Variants in QSOX1 observed in about 807,000 individuals in gnomAD.
The protein encoded by QSOX1 is quiescin sulfhydryl oxidase 1, also known as sulfhydryl oxidase 1.
A neutral mutation model predicts 76.1 loss-of-function variants in QSOX1; 40 were observed. That is an observed-to-expected ratio of 0.53 (90% CI 0.41 to 0.68). The LOEUF (loss-of-function observed/expected upper bound fraction) is 0.68. QSOX1 is among the 30% of genes least tolerant of loss of function. The pLI is 0.00. For missense variants in QSOX1, 931 were observed against 974.3 expected (o/e 0.96, Z 0.59); for synonymous variants, 392 against 413.1 (o/e 0.95, Z 0.62).
chr1:180,187,905 TGC>T (rs2149240810), intron 8 of QSOX1, among the ~76,000 whole-genome samples: 1 of 152,356 alleles, frequency 6.6e-6, no homozygotes, highest in African/African-American at 2.4e-5. Context: ...TTCTGGCCCT[TGC>T]CTTGCTTGGG....
At chr1:180,156,408 T>A (rs926846679) in intron 1 of QSOX1, among the ~76,000 whole-genome samples, 1 of 152,202 alleles carries the variant, frequency 6.6e-6, no homozygotes, top group Non-Finnish European at 1.5e-5. Context: ...GAAATAGGCC[T>A]TTTTCTAGAG....
At chr1:180,155,294 C>G in intron 1 of QSOX1, 122 bp downstream of exon 1, 1 of 932,852 alleles carries the variant, frequency 1.1e-6, no homozygotes, top group Non-Finnish European at 1.5e-6. Flanking sequence ...CCACCTCTTC[C>G]TCTCCGCGCA....
chr1:180,189,803 A>C, intron 9 of QSOX1, 129 bp downstream of exon 9: 1 of 1,022,024 alleles, frequency 9.8e-7, no homozygotes, highest in Non-Finnish European at 1.4e-6. Flanking sequence ...GTTGGGTCCT[A>C]ACAATAATCA....
intron 5 of QSOX1, among the ~76,000 whole-genome samples, chr1:180,180,328 A>C (rs1042431221): frequency 6.6e-6 from 1 of 151,860 alleles, no homozygotes; most frequent in South Asian, 2.1e-4. Flanking sequence ...CTCCTTCCTC[A>C]GCCTCCCAAT....
At chr1:180,190,619 C>T in intron 10 of QSOX1, 39 bp downstream of exon 10, 1 of 1,582,920 alleles carries the variant, frequency 6.3e-7, no homozygotes. Context: ...TGCCTCCAAC[C>T]CTGCTCTGTT....
Position 180,203,775 on chromosome 1 carries a change from A to G in QSOX1, c.*6738A>G, listed in dbSNP as rs1161006937. 2 of 152,198 alleles carry G rather than the reference A, an allele frequency of 1.3e-5. No homozygotes were observed. Among genetic ancestry groups the G allele is most frequent in the South Asian group, 2.1e-4 (1 of 4,832 alleles). The allele number at this position is 152,198 out of a possible 1,614,324, so 9.4% of individuals were successfully genotyped here. A position where few individuals can be genotyped will look rare whatever the true frequency, so the allele number is the denominator to read the frequency against. Reference sequence around the variant, plus strand: ...AGCTTTAGTCAATTGTAGGTGGTCAATAGATTCAGATAAGGCAATCCAGTT... The same window carrying G: ...AGCTTTAGTCAATTGTAGGTGGTCAGTAGATTCAGATAAGGCAATCCAGTT... On this transcript the variant is annotated 3_prime_UTR_variant, in exon 12 of 12. Coordinates refer to ENST00000367602, the MANE Select transcript of QSOX1 (RefSeq NM_002826.5).
intron 2 of QSOX1, among the ~76,000 whole-genome samples, chr1:180,170,715 G>T (rs949029592): frequency 1.3e-5 from 2 of 152,240 alleles, no homozygotes; most frequent in Non-Finnish European, 2.9e-5. Flanking sequence ...ACACGCCCCA[G>T]TGGTTGACTT....
At chr1:180,168,212 C>T (rs1430893243) in intron 2 of QSOX1, among the ~76,000 whole-genome samples, 2 of 152,252 alleles carry the variant, frequency 1.3e-5, no homozygotes, top group Non-Finnish European at 2.9e-5. Context: ...GCAGCGCACG[C>T]AGCCTGGATG....
chr1:180,177,436 G>A (rs1662928650), intron 4 of QSOX1, among the ~76,000 whole-genome samples: 1 of 152,116 alleles, frequency 6.6e-6, no homozygotes, highest in South Asian at 2.1e-4. Flanking sequence ...TGTATTTTTA[G>A]TAGAGATGGG....
chr1:180,196,473 CGCCCCAGA>C lies in QSOX1; in HGVS notation c.1683_1690del (p.Pro562GlyfsTer20). The C allele has an allele frequency of 1.2e-6, 2 of 1,613,746 alleles. No individual in the cohort carries two copies. The highest frequency in any genetic ancestry group is 1.7e-6 in the Non-Finnish European group (2 of 1,179,692). The stretch of plus-strand genomic sequence containing the variant: ...GGAGGGATGTGCAGAATGTGGCAGC[CGCCCCAGA>C]GCTGGCGATGGGAGCCCTGGAGCTG... On this transcript the variant is annotated frameshift_variant, in exon 12 of 12. Coordinates refer to ENST00000367602, the MANE Select transcript of QSOX1 (RefSeq NM_002826.5). LOFTEE classifies it high-confidence loss of function. This position sits in a 1 kb window ranked among gnomAD's most constrained non-coding sequence, Gnocchi z 4.1.
chr1:180,155,244 T>C (rs35481032), intron 1 of QSOX1, 72 bp downstream of exon 1: 510,193 of 1,338,436 alleles, frequency 0.38, 103,512 homozygotes, highest in African/African-American at 0.77. Context: ...GTGGGCAGCC[T>C]CCTACTCCGG....
At chr1:180,183,887 C>T (rs1367518451) in intron 6 of QSOX1, 29 bp from the exon 7 acceptor site, 4 of 1,600,330 alleles carry the variant, frequency 2.5e-6, no homozygotes, top group Non-Finnish European at 2.6e-6. Flanking sequence ...CACTTACTGC[C>T]TCTCCTCCCT....
chr1:180,172,311 C>T (rs1318940712), intron 2 of QSOX1, among the ~76,000 whole-genome samples: 3 of 152,158 alleles, frequency 2.0e-5, no homozygotes, highest in Admixed American at 6.5e-5. Flanking sequence ...AGCCAGAACT[C>T]GGAGGAGACA....
intron 11 of QSOX1, among the ~76,000 whole-genome samples, chr1:180,194,677 G>A (rs954685713): frequency 1.3e-4 from 20 of 152,172 alleles, no homozygotes; most frequent in Non-Finnish European, 2.5e-4. Context: ...CCCCTGCTCC[G>A]TCTTCTGGCT....
chr1:180,196,152 G>A lies in QSOX1; in HGVS notation c.1469-110G>A. On this transcript the variant is annotated intron_variant, in intron 11 of 11. Coordinates refer to ENST00000367602, the MANE Select transcript of QSOX1 (RefSeq NM_002826.5). This position sits in a 1 kb window ranked among gnomAD's most constrained non-coding sequence, Gnocchi z 4.1. ...TTACCCATCCTCTGGAAGGGCAGTG[G>A]CGAGCCCTTTCTGCAGACAAGGAAG... is the stretch of plus-strand genomic sequence containing the variant. 7.4e-7 allele frequency: 1 copy of A among 1,353,338 alleles called. No individual in the cohort carries two copies. The allele number at this position is 1,353,338 out of a possible 1,614,324, so 83.8% of individuals were successfully genotyped here. A position where few individuals can be genotyped will look rare whatever the true frequency, so the allele number is the denominator to read the frequency against.
intron 5 of QSOX1, among the ~76,000 whole-genome samples, chr1:180,181,172 T>TA (rs1281740820): frequency 1.3e-5 from 2 of 152,000 alleles, no homozygotes; most frequent in African/African-American, 4.8e-5. Context: ...TATTTCTTTC[T>TA]AAAAAAAATA....
intron 11 of QSOX1, among the ~76,000 whole-genome samples, chr1:180,195,766 C>T (rs902325021): frequency 4.6e-5 from 7 of 152,246 alleles, no homozygotes; most frequent in African/African-American, 1.4e-4. Flanking sequence ...TGCTTGAAAA[C>T]GCATTTTCCC....
chr1:180,155,893 T>C (rs1251280074), intron 1 of QSOX1, among the ~76,000 whole-genome samples: 1 of 152,194 alleles, frequency 6.6e-6, no homozygotes, highest in Non-Finnish European at 1.5e-5. Flanking sequence ...TGTTTGGCTC[T>C]TGCTCCATGT....
In QSOX1 at chr1:180,198,851, C is replaced by A; in HGVS notation, c.*1814C>A. ...AAGAGGAAGACAGAGGCTCCCAGGG[C>A]CGGTGCCCTGTGTGCCCACTGCACC... On this transcript the variant is annotated 3_prime_UTR_variant, in exon 12 of 12. Coordinates refer to ENST00000367602, the MANE Select transcript of QSOX1 (RefSeq NM_002826.5). The A allele has an allele frequency of 5.2e-6, 1 of 192,256 alleles. No individual in the cohort carries two copies. The highest frequency in any genetic ancestry group is 1.2e-4 in the East Asian group (1 of 8,004). 11.9% of individuals were successfully genotyped at this position (192,256 alleles called of 1,614,324 possible).
Sources: gnomAD v4.1 joint callset for allele counts (sites outside exome capture counted in the v4.1 genomes callset) on GRCh38, gnomAD v4.1.1 for gene constraint, Gnocchi (gnomAD v3.1) non-coding constraint, MANE v1.5 for transcripts, NCBI Gene and HGNC (gene_info 2026-07-23, HGNC 2026-07-21) for gene names.